TOGARAM2: variants seen among roughly 807,000 people sequenced by gnomAD.
TOGARAM2 encodes the protein TOG array regulator of axonemal microtubules 2.
In TOGARAM2, 85 loss-of-function variants were observed where a neutral mutation model predicts 93.3. The ratio of observed to expected loss-of-function variants is 0.91; its 90% confidence interval spans 0.76 to 1.09. The LOEUF (loss-of-function observed/expected upper bound fraction) is 1.09. Among genes scored for constraint, TOGARAM2 ranks in the 50% least tolerant of loss-of-function variants. TOGARAM2 has a pLI of 0.00. For missense variants in TOGARAM2, 1,277 were observed against 1,334.5 expected (o/e 0.96, Z 0.67); for synonymous variants, 593 against 552.8 (o/e 1.07, Z -1.02).
chr2:29,029,225 G>A (rs1665594506), intron 14 of TOGARAM2, among the ~76,000 whole-genome samples: 1 of 151,580 alleles, frequency 6.6e-6, no homozygotes, highest in African/African-American at 2.4e-5. Context: ...ATCAACGAGT[G>A]GCTAAAGAAA....
chr2:28,973,718 G>A (rs1210048425), intron 1 of TOGARAM2, among the ~76,000 whole-genome samples: 1 of 151,992 alleles, frequency 6.6e-6, no homozygotes, highest in Non-Finnish European at 1.5e-5. Context: ...GTAGAGCTCA[G>A]AGTCTCATTA....
intron 4 of TOGARAM2, among the ~76,000 whole-genome samples, chr2:28,999,901 G>T (rs1673195855): frequency 1.3e-5 from 2 of 152,166 alleles, no homozygotes; most frequent in Admixed American, 1.3e-4. Flanking sequence ...TCCAGGGCCT[G>T]GGGCTTGTGG....
chr2:29,005,700 CGTGCATGTGTGA>C (rs1558423292), intron 6 of TOGARAM2, among the ~76,000 whole-genome samples: 1 of 34,810 alleles, frequency 2.9e-5, no homozygotes, highest in Non-Finnish European at 1.2e-4. Flanking sequence ...GTGTGGAGTG[CGTGCATGTGTGA>C]GTGCATGTGT....
chr2:29,045,761 G>T (rs1169974195), intron 19 of TOGARAM2: 2 of 297,986 alleles, frequency 6.7e-6, no homozygotes, highest in South Asian at 6.6e-5. Flanking sequence ...TCCGATTTCA[G>T]ATTTTTGGAT....
At chr2:29,030,049 G>A (rs1665671570) in intron 14 of TOGARAM2, among the ~76,000 whole-genome samples, 1 of 152,194 alleles carries the variant, frequency 6.6e-6, no homozygotes, top group African/African-American at 2.4e-5. Flanking sequence ...CAAGGCAGGT[G>A]GATCTCTTAA....
At chr2:28,987,684 T>C (rs1312517546) in intron 1 of TOGARAM2, among the ~76,000 whole-genome samples, 1 of 152,228 alleles carries the variant, frequency 6.6e-6, no homozygotes, top group East Asian at 1.9e-4. Context: ...GTCTGCATTC[T>C]GTGGAATTGC....
Position 29,024,194 on chromosome 2 carries a change from T to G in TOGARAM2, c.1673T>G (p.Leu558Arg), listed in dbSNP as rs1280165063. 1.2e-6 allele frequency: 2 copies of G among 1,604,222 alleles called. No homozygotes were observed. Residue 558 changes from leucine to arginine, a missense_variant, in exon 13 of 20, where the codon CTC (leucine) becomes CGC (arginine). Transcript: ENST00000379558. Reference protein sequence around the residue: ...SHLAISTLGDLFQALKKNMDQ... With the variant: ...SHLAISTLGDRFQALKKNMDQ... ...CTGGCCATCAGCACCTTGGGAGACCTCTTCCAGGCCTTGAAGAAGAATATG... is the reference window on the plus strand; with the variant it reads ...CTGGCCATCAGCACCTTGGGAGACCGCTTCCAGGCCTTGAAGAAGAATATG...
At chr2:29,036,453 G>A in intron 17 of TOGARAM2, 88 bp from the exon 18 acceptor site, 1 of 1,253,872 alleles carries the variant, frequency 8.0e-7, no homozygotes, top group Non-Finnish European at 1.1e-6. Context: ...TCGCTCAGTT[G>A]GGCCAGGTGA....
At position 29,003,656 on chromosome 2, in the gene TOGARAM2, C is replaced by T; in HGVS notation, c.804C>T (p.Leu268=). Residue 268 remains leucine (L), a synonymous_variant, in exon 6 of 20, where the codon CTC becomes CTT. Coordinates refer to ENST00000379558, the MANE Select transcript of TOGARAM2 (RefSeq NM_199280.4). ...CGTTACCTCCAGGCCAGGGAGTCCTCACAGGCCTGAGGGCCCCACGCACGC... is the reference window on the plus strand; with the variant it reads ...CGTTACCTCCAGGCCAGGGAGTCCTTACAGGCCTGAGGGCCCCACGCACGC... ...PSPLPPGQGV[L]TGLRAPRTRL... 1.3e-6 allele frequency: 2 copies of T among 1,577,364 alleles called. No homozygotes were observed. The highest frequency in any genetic ancestry group is 2.3e-5 in the South Asian group (2 of 86,126).
Position 29,024,148 on chromosome 2 carries a change from C to G in TOGARAM2, c.1627C>G (p.Leu543Val). The stretch of plus-strand genomic sequence containing the variant: ...CTCTCCTCTCTCCAAGGTCACCAAC[C>G]TGCGGTCCAAGGTGTCTCACCTGGC... ...CLVVTGEVTN[L>V]RSKVSHLAIS... Residue 543 changes from leucine (L) to valine (V), a missense_variant, in exon 13 of 20, where the codon CTG (leucine) becomes GTG (valine). Leu to Val is a conservative substitution (Grantham distance 32). Coordinates refer to ENST00000379558, the MANE Select transcript of TOGARAM2 (RefSeq NM_199280.4). The G allele has an allele frequency of 1.3e-6, 2 of 1,575,242 alleles. No individual in the cohort carries two copies. The highest frequency in any genetic ancestry group is 3.7e-5 in the Admixed American group (2 of 54,122).
At chr2:28,983,198 ATTTTTTTTTTTTT>A (rs57949744) in intron 1 of TOGARAM2, among the ~76,000 whole-genome samples, 11 of 56,624 alleles carry the variant, frequency 1.9e-4, no homozygotes, top group South Asian at 7.1e-4. Flanking sequence ...ATATATATAT[ATTTTTTTTTTTTT>A]TTTTTTTTTT....
rs771422334 is a variant in TOGARAM2 at position 29,017,221 on chromosome 2, T to G, written c.1112T>G (p.Leu371Arg). The G allele has an allele frequency of 3.7e-6, 6 of 1,613,930 alleles. No homozygotes were observed. The highest frequency in any genetic ancestry group is 1.7e-5 in the Admixed American group (1 of 60,008). Residue 371 changes from leucine (L) to arginine (R), a missense_variant, in exon 9 of 20, where the codon CTG becomes CGG. Physicochemically the swap from Leu to Arg is moderately radical, Grantham distance 102 (BLOSUM62 -2). Coordinates refer to ENST00000379558, the MANE Select transcript of TOGARAM2 (RefSeq NM_199280.4). The stretch of plus-strand genomic sequence containing the variant: ...CTGAAGCAGATGAAGGAGATGGAGC[T>G]GCTTCGGAGGCTGGAGGAGCCCAGG... ...MQLKQMKEME[L>R]LRRLEEPRTG...
intron 12 of TOGARAM2, among the ~76,000 whole-genome samples, chr2:29,023,618 C>A (rs1665120570): frequency 6.6e-6 from 1 of 152,112 alleles, no homozygotes. Flanking sequence ...CTGTGCCCTG[C>A]CCTTGGGAGT....
At chr2:29,017,346 C>G in intron 9 of TOGARAM2, 42 bp downstream of exon 9, 2 of 1,506,316 alleles carry the variant, frequency 1.3e-6, no homozygotes, top group Non-Finnish European at 1.8e-6. Flanking sequence ...GCCTGGGGAG[C>G]TGAGTCCACT....
Position 29,017,778 on chromosome 2 carries a change from C to T in TOGARAM2, c.1196-14C>T. On this transcript the variant is annotated splice_polypyrimidine_tract_variant and intron_variant, in intron 9 of 19. Transcript: ENST00000379558. Reference sequence around the variant, plus strand: ...CAGACCTGCCTAGTCCTAGGACTTTCTCTGTGTCCACAGGCCTCCTTCCCC... The same window carrying T: ...CAGACCTGCCTAGTCCTAGGACTTTTTCTGTGTCCACAGGCCTCCTTCCCC... The T allele has an allele frequency of 6.3e-7, 1 of 1,597,048 alleles. No homozygotes were observed. Among genetic ancestry groups the T allele is most frequent in the Non-Finnish European group, 8.5e-7 (1 of 1,170,028 alleles).
At chr2:28,986,949 C>T (rs920788581) in intron 1 of TOGARAM2, among the ~76,000 whole-genome samples, 1 of 152,190 alleles carries the variant, frequency 6.6e-6, no homozygotes, top group Non-Finnish European at 1.5e-5. Context: ...AATCATGTGC[C>T]TGAAGTCACA....
upstream of TOGARAM2, among the ~76,000 whole-genome samples, chr2:28,979,755 GGT>G (rs1672106868): frequency 1.3e-5 from 2 of 152,206 alleles, no homozygotes; most frequent in Non-Finnish European, 2.9e-5. Context: ...TGGCAGCCAT[GGT>G]GCTAAGTCTG....
chr2:29,017,808 G>A lies in TOGARAM2; in HGVS notation c.1212G>A (p.Arg404=), dbSNP rs975456083. The A allele has an allele frequency of 1.2e-6, 2 of 1,610,462 alleles. No homozygotes were observed. Among genetic ancestry groups the A allele is most frequent in the Admixed American group, 1.7e-5 (1 of 59,774 alleles). The change falls in exon 10 of 20, where the codon CGG becomes CGA. Residue 404 remains arginine, a synonymous_variant. Transcript: ENST00000379558. The part of the protein sequence containing the change: ...AFMKEGLLPL[R]GSGTLSVPTR... ...TGTCCACAGGCCTCCTTCCCCTCCG[G>A]GGCAGCGGGACACTGTCTGTGCCCA...
rs1671754620 is a variant in TOGARAM2 at position 28,958,313 on chromosome 2, CCTTTT to C, written c.-147+1622_-147+1626del. 1.5e-5 allele frequency among the ~76,000 whole-genome samples: 2 copies of C among 137,160 alleles called. 1 individual carries two copies. 90.0% of individuals were successfully genotyped at this position (137,160 alleles called of 152,430 possible). A position where few individuals can be genotyped will look rare whatever the true frequency, so the allele number is the denominator to read the frequency against. ...ACTAGACCTTGTTTTTTTTTTTTTT[CCTTTT>C]CTTTTGGGACAGGGTCTTGCCCTGT... is the stretch of plus-strand genomic sequence containing the variant. On this transcript the variant is annotated intron_variant, in intron 1 of 6. Coordinates refer to the TOGARAM2 transcript ENST00000401723.
Sources: gnomAD v4.1 joint callset for allele counts (sites outside exome capture counted in the v4.1 genomes callset) on GRCh38, gnomAD v4.1.1 for gene constraint, MANE v1.5 for transcripts, NCBI Gene and HGNC (gene_info 2026-07-23, HGNC 2026-07-21) for gene names.